The following CNTN5 variants were observed in gnomAD, a reference collection of about 807,000 sequenced individuals.
CNTN5 encodes contactin 5, also known as contactin-5.
CNTN5 carries 77 observed loss-of-function variants against 129.1 expected under a neutral mutation model. The ratio of observed to expected loss-of-function variants is 0.60; its 90% CI spans 0.50 to 0.72. CNTN5 has a LOEUF of 0.72. Ranked by LOEUF, CNTN5 falls within the 30% of genes least tolerant of loss-of-function variation. CNTN5 has a pLI of 0.00. For missense variants in CNTN5, 1,478 were observed against 1,328.8 expected (o/e 1.11, Z -1.75); for synonymous variants, 509 against 465.6 (o/e 1.09, Z -1.20).
At chr11:99,734,494 A>G (rs78565635) in intron 3 of CNTN5, among the ~76,000 whole-genome samples, 6,754 of 152,272 alleles carry the variant, frequency 0.044, 177 homozygotes, top group African/African-American at 0.07. Flanking sequence ...AAGCTGAGTC[A>G]TTTGTCATAA....
chr11:99,461,141 A>C (rs1944682479), intron 2 of CNTN5, among the ~76,000 whole-genome samples: 1 of 152,112 alleles, frequency 6.6e-6, no homozygotes, highest in Non-Finnish European at 1.5e-5. Context: ...GGCTTTATTT[A>C]TAAAAATTAT....
intron 1 of CNTN5, among the ~76,000 whole-genome samples, chr11:99,038,820 G>A (rs748002536): frequency 1.3e-5 from 2 of 151,520 alleles, no homozygotes; most frequent in Non-Finnish European, 1.5e-5. Context: ...TAAAATGTAA[G>A]ATGTATTATT....
chr11:99,636,987 T>TG lies in CNTN5; in HGVS notation c.55+80720dup, dbSNP rs759915547. On this transcript the variant is annotated intron_variant, in intron 3 of 24. Transcript: ENST00000524871. The stretch of plus-strand genomic sequence containing the variant: ...AAGATCATGCCACTGCACTCCAGCC[T>TG]GGTGACAGAGCTAACTTTGTCTCAA... Among the ~76,000 whole-genome samples, 4 of 29,478 alleles carry TG rather than the reference T, an allele frequency of 1.4e-4. 2 individuals are homozygous for TG. The Middle Eastern group carries it at 0.22, about 1,638-fold the overall frequency. 19.3% of individuals were successfully genotyped at this position (29,478 alleles called of 152,430 possible).
At chr11:99,109,914 A>G (rs1054623878) in intron 1 of CNTN5, among the ~76,000 whole-genome samples, 3 of 152,136 alleles carry the variant, frequency 2.0e-5, no homozygotes, top group African/African-American at 7.2e-5. Flanking sequence ...AATCTTTACT[A>G]AGCTCATCTA....
chr11:99,895,186 C>A (rs1177044741), intron 6 of CNTN5, among the ~76,000 whole-genome samples: 1 of 152,132 alleles, frequency 6.6e-6, no homozygotes, highest in Admixed American at 6.6e-5. Context: ...ACTAGGCATC[C>A]AAGAGGGGAC....
intron 1 of CNTN5, among the ~76,000 whole-genome samples, chr11:99,091,039 A>T (rs1377539883): frequency 2.0e-5 from 3 of 151,238 alleles, no homozygotes; most frequent in Admixed American, 6.6e-5. Flanking sequence ...AAAAAAAAAA[A>T]AAAAAGCCTT....
intron 2 of CNTN5, among the ~76,000 whole-genome samples, chr11:99,325,967 T>A (rs1865772327): frequency 2.0e-5 from 3 of 152,170 alleles, no homozygotes; most frequent in African/African-American, 7.2e-5. Flanking sequence ...GGTAGTGTCA[T>A]CCCCACCAGG....
intron 3 of CNTN5, among the ~76,000 whole-genome samples, chr11:99,569,004 C>T (rs1335021794): frequency 6.6e-6 from 1 of 152,084 alleles, no homozygotes; most frequent in Non-Finnish European, 1.5e-5. Flanking sequence ...TCAATGAAGT[C>T]TTCAGGTTGG....
chr11:99,341,738 A>G (rs1365657777), intron 2 of CNTN5, among the ~76,000 whole-genome samples: 2 of 152,190 alleles, frequency 1.3e-5, no homozygotes, highest in Non-Finnish European at 2.9e-5. Context: ...CCTTACAAGA[A>G]CGTTTTTTAC....
At chr11:100,151,112 G>C (rs1002376836) in intron 13 of CNTN5, among the ~76,000 whole-genome samples, 2 of 152,072 alleles carry the variant, frequency 1.3e-5, no homozygotes, top group Non-Finnish European at 2.9e-5. Flanking sequence ...AAGTCTCTCT[G>C]TCTGTGGTAT....
chr11:99,717,798 T>C (rs1943028596), intron 3 of CNTN5, among the ~76,000 whole-genome samples: 1 of 152,104 alleles, frequency 6.6e-6, no homozygotes, highest in Admixed American at 6.6e-5. Flanking sequence ...GGCACATAAA[T>C]ACTTTAAATA....
chr11:100,309,338 A>G (rs1951422594), intron 21 of CNTN5: 1 of 983,046 alleles, frequency 1.0e-6, no homozygotes. Context: ...CATATTTTTA[A>G]TTCTATTTGA....
intron 3 of CNTN5, among the ~76,000 whole-genome samples, chr11:99,649,645 A>G (rs1198549693): frequency 6.6e-6 from 1 of 151,822 alleles, no homozygotes; most frequent in Non-Finnish European, 1.5e-5. Flanking sequence ...TTTATTGCTT[A>G]AAAGATAAAA....
chr11:99,250,548 T>G (rs1862044536), intron 1 of CNTN5, among the ~76,000 whole-genome samples: 1 of 151,968 alleles, frequency 6.6e-6, no homozygotes, highest in Non-Finnish European at 1.5e-5. Flanking sequence ...AAATGCAAGA[T>G]ATTTGCTTTT....
intron 2 of CNTN5, among the ~76,000 whole-genome samples, chr11:99,511,723 A>G (rs76893261): frequency 0.058 from 8,737 of 151,654 alleles, 259 homozygotes; most frequent in South Asian, 0.08. Context: ...GAATCTGGGT[A>G]CTCCTGTATT....
intron 3 of CNTN5, among the ~76,000 whole-genome samples, chr11:99,754,022 A>G (rs534040951): frequency 1.8e-4 from 27 of 151,978 alleles, no homozygotes; most frequent in Admixed American, 2.0e-4. Context: ...ACAAAAAAAC[A>G]AAAAAACACC....
chr11:99,028,837 G>A (rs1035581142), intron 1 of CNTN5, among the ~76,000 whole-genome samples: 3 of 151,688 alleles, frequency 2.0e-5, no homozygotes, highest in African/African-American at 7.3e-5. Flanking sequence ...TTGCAGGAGT[G>A]GATTAACTAT....
chr11:99,980,525 G>A (rs1185799545), intron 8 of CNTN5, among the ~76,000 whole-genome samples: 1 of 152,086 alleles, frequency 6.6e-6, no homozygotes, highest in African/African-American at 2.4e-5. Context: ...ATTTGATCGC[G>A]CACAAACAGA....
intron 2 of CNTN5, among the ~76,000 whole-genome samples, chr11:99,387,643 T>C (rs927877824): frequency 1.4e-5 from 2 of 147,248 alleles, no homozygotes; most frequent in African/African-American, 4.9e-5. Context: ...CAAAGGAAGT[T>C]TCTGTCTCCT....
Sources: gnomAD v4.1 joint callset for allele counts (sites outside exome capture counted in the v4.1 genomes callset) on GRCh38, gnomAD v4.1.1 for gene constraint, MANE v1.5 for transcripts, NCBI Gene and HGNC (gene_info 2026-07-23, HGNC 2026-07-21) for gene names.